CBR4: variants seen among roughly 807,000 people sequenced by gnomAD.
The protein encoded by CBR4 is 3-oxoacyl-[acyl-carrier-protein] reductase.
CBR4 carries 22 observed loss-of-function variants against 21.0 expected under a neutral mutation model. The observed-to-expected ratio is 1.05, with a 90% CI of 0.75 to 1.50. CBR4 has a LOEUF of 1.50. Among genes scored for constraint, CBR4 ranks in the 40% most tolerant of loss-of-function variants. The pLI is 0.00. For missense variants in CBR4, 302 were observed against 286.3 expected, an observed-to-expected ratio of 1.05 and a Z score of -0.40; for synonymous variants, 100 against 104.4, an observed-to-expected ratio of 0.96 and a Z score of 0.26.
At chr4:168,976,318 G>T (rs1219347578) in intron 2 of CBR4, among the ~76,000 whole-genome samples, 2 of 152,172 alleles carry the variant, frequency 1.3e-5, no homozygotes, top group African/African-American at 4.8e-5. Context: ...TCCTCCTGCT[G>T]CTTCTTCTAC....
At position 169,007,614 on chromosome 4, in the gene CBR4, CTT is replaced by C; in HGVS notation, c.263+20_263+21del. 6.9e-7 allele frequency: 1 copy of C among 1,458,024 alleles called. No individual in the cohort carries two copies. The highest frequency in any genetic ancestry group is 2.6e-5 in the East Asian group (1 of 38,988). 90.3% of individuals were successfully genotyped at this position (1,458,024 alleles called of 1,614,324 possible). ...AAGTTTTAAATATATATATAAGAAA[CTT>C]ATTTAAATCTGTGACCAACCTGTTA... On this transcript the variant is annotated intron_variant, in intron 2 of 4. Coordinates refer to ENST00000306193, the MANE Select transcript of CBR4 (RefSeq NM_032783.5).
chr4:168,976,089 G>A (rs370107725), intron 2 of CBR4, among the ~76,000 whole-genome samples: 8 of 152,160 alleles, frequency 5.3e-5, no homozygotes, highest in Non-Finnish European at 7.3e-5. Flanking sequence ...CATCTTCTGC[G>A]CTCATATATG....
intron 2 of CBR4, among the ~76,000 whole-genome samples, chr4:168,905,219 C>T (rs1238935127): frequency 4.7e-5 from 6 of 127,152 alleles, no homozygotes; most frequent in Admixed American, 1.9e-4. Context: ...GGCGCGATCT[C>T]GGCTCACTGC....
At chr4:168,981,974 C>A (rs1052397321) in intron 2 of CBR4, among the ~76,000 whole-genome samples, 1 of 152,172 alleles carries the variant, frequency 6.6e-6, no homozygotes, top group Admixed American at 6.5e-5. Context: ...CAAGTACACA[C>A]TCTATTAACA....
chr4:168,918,624 C>G (rs992375634), intron 2 of CBR4, among the ~76,000 whole-genome samples: 4 of 151,992 alleles, frequency 2.6e-5, no homozygotes, highest in African/African-American at 9.7e-5. Context: ...AACATGGTGA[C>G]TATAGTTAAT....
Position 168,922,865 on chromosome 4 carries a change from C to T in CBR4, n.170-28100G>A, listed in dbSNP as rs571773010. Reference sequence around the variant, plus strand: ...ATCAGCTGGCACTCCTGTCAGAAGACGGTGATGCACAGTAATTGGAAGCAA... The same window carrying T: ...ATCAGCTGGCACTCCTGTCAGAAGATGGTGATGCACAGTAATTGGAAGCAA... On this transcript the variant is annotated intron_variant and non_coding_transcript_variant, in intron 2 of 3. Transcript: ENST00000509108. Among the ~76,000 whole-genome samples the T allele has an allele frequency of 3.9e-5, 6 of 152,260 alleles. No individual in the cohort carries two copies. The South Asian group carries it at 1.0e-3, about 26-fold the overall frequency.
intron 4 of CBR4, chr4:169,001,198 C>T (rs984494652): frequency 6.7e-6 from 1 of 150,130 alleles, no homozygotes; most frequent in African/African-American, 2.5e-5. Context: ...CTATGTTGCT[C>T]AGGCTGATCT....
At chr4:168,935,624 C>T (rs765883633) in intron 2 of CBR4, among the ~76,000 whole-genome samples, 4 of 152,032 alleles carry the variant, frequency 2.6e-5, no homozygotes, top group South Asian at 4.2e-4. Context: ...TATCCCCTCA[C>T]GGTATAAAAA....
rs557823545 is a variant in CBR4, at chr4:168,989,960, C to T, written c.*190G>A. On this transcript the variant is annotated 3_prime_UTR_variant, in exon 5 of 5. Transcript: ENST00000306193. ...CAAAACAACACTGATGTAACTTAGA[C>T]CAAAAAAAAAAAAACCACAATTTGT... The T allele has an allele frequency of 7.3e-6, 9 of 1,227,354 alleles. No individual in the cohort carries two copies. In the East Asian group the frequency reaches 2.0e-4, roughly 27 times the overall value. The allele number at this position is 1,227,354 out of a possible 1,614,324, so 76.0% of individuals were successfully genotyped here.
At chr4:168,955,955 AC>A (rs1578932544) in intron 2 of CBR4, among the ~76,000 whole-genome samples, 1 of 152,152 alleles carries the variant, frequency 6.6e-6, no homozygotes, top group Non-Finnish European at 1.5e-5. Flanking sequence ...ACCTATGGGC[AC>A]AAATATTTAC....
chr4:168,943,012 TTGG>T (rs1763304200), intron 2 of CBR4, among the ~76,000 whole-genome samples: 1 of 152,158 alleles, frequency 6.6e-6, no homozygotes, highest in Non-Finnish European at 1.5e-5. Context: ...TCATGCACTG[TTGG>T]TGGGAATGTA....
At chr4:168,961,179 G>A (rs1302060095) in intron 2 of CBR4, among the ~76,000 whole-genome samples, 1 of 152,146 alleles carries the variant, frequency 6.6e-6, no homozygotes, top group East Asian at 1.9e-4. Context: ...CACTAACTCT[G>A]AGACATAAAT....
At chr4:169,000,600 A>C (rs1332510538) in intron 4 of CBR4, among the ~76,000 whole-genome samples, 1 of 152,216 alleles carries the variant, frequency 6.6e-6, no homozygotes, top group Non-Finnish European at 1.5e-5. Flanking sequence ...CAGCAAACCA[A>C]AATAAACTGC....
At chr4:168,897,928 G>A (rs1755581960) in intron 2 of CBR4, 1 of 152,316 alleles carries the variant, frequency 6.6e-6, no homozygotes, top group African/African-American at 2.4e-5. Context: ...GCCCTTGCAA[G>A]GCAGGGATTG....
At chr4:168,896,040 T>A (rs1316445833) in intron 2 of CBR4, among the ~76,000 whole-genome samples, 2 of 152,006 alleles carry the variant, frequency 1.3e-5, no homozygotes, top group Non-Finnish European at 2.9e-5. Flanking sequence ...TGAAACCCCG[T>A]CTCTACTGAA....
intron 2 of CBR4, among the ~76,000 whole-genome samples, chr4:168,909,817 T>A (rs1758540204): frequency 6.6e-6 from 1 of 152,202 alleles, no homozygotes; most frequent in African/African-American, 2.4e-5. Flanking sequence ...AATTTTCTAT[T>A]ATGCACATGG....
At chr4:169,001,919 AT>A (rs748041039) in intron 4 of CBR4, 151 bp downstream of exon 4, 30 of 688,316 alleles carry the variant, frequency 4.4e-5, no homozygotes, top group South Asian at 6.5e-5. Flanking sequence ...GGTACAAAAA[AT>A]TTTTTTGAGT....
rs762509448 is a variant in CBR4, at chr4:168,894,717, C to T, written n.218G>A. ...TGGACTTCTTAGGGTAACATTTATT[C>T]TGTCCCCCTTTTCCATCTTCCTTAT... On this transcript the variant is annotated non_coding_transcript_exon_variant, in exon 3 of 4. Transcript: ENST00000509108. 10 of 1,599,778 alleles carry T rather than the reference C, an allele frequency of 6.3e-6. No individual in the cohort carries two copies. In the Admixed American group the frequency reaches 6.8e-5, roughly 11 times the overall value.
intron 2 of CBR4, among the ~76,000 whole-genome samples, chr4:168,967,697 A>C (rs1222350169): frequency 6.6e-6 from 1 of 152,190 alleles, no homozygotes; most frequent in Non-Finnish European, 1.5e-5. Context: ...TTCAGTCTGT[A>C]CTGGAGCAGG....
Sources: allele counts gnomAD v4.1 joint callset (sites outside exome capture counted in the v4.1 genomes callset), GRCh38; gene constraint gnomAD v4.1.1; transcripts MANE v1.5; gene names NCBI Gene and HGNC (gene_info 2026-07-23, HGNC 2026-07-21).